Variants in SLC8A1 observed in about 807,000 individuals in gnomAD.
SLC8A1 encodes the protein solute carrier family 8 member A1, also known as sodium/calcium exchanger 1.
SLC8A1 carries 18 observed loss-of-function variants against 68.3 expected under a neutral mutation model. The observed-to-expected ratio is 0.26, with a 90% CI of 0.18 to 0.39. The LOEUF (loss-of-function observed/expected upper bound fraction) is 0.39, where lower values mean the gene tolerates loss of function less well. Ranked by LOEUF, SLC8A1 falls within the 10% of genes least tolerant of loss-of-function variation. The pLI is 1.00. For missense variants in SLC8A1, 985 were observed against 1,156.7 expected (o/e 0.85, Z 2.15); for synonymous variants, 475 against 415.5 (o/e 1.14, Z -1.74).
At chr2:40,170,197 G>A in intron 4 of SLC8A1, 84 bp downstream of exon 7, 3 of 1,188,138 alleles carry the variant, frequency 2.5e-6, no homozygotes, top group Non-Finnish European at 3.7e-6. Context: ...AGAGGAGAGG[G>A]GCTAAAATGC....
intron 1 of SLC8A1, among the ~76,000 whole-genome samples, chr2:40,469,286 T>C (rs1039954618): frequency 4.6e-5 from 7 of 152,128 alleles, no homozygotes; most frequent in Non-Finnish European, 7.4e-5. Context: ...GTGATTGGAT[T>C]ATGGGGTGAA....
chr2:40,290,822 A>T (rs1030957971), intron 2 of SLC8A1, among the ~76,000 whole-genome samples: 2 of 152,166 alleles, frequency 1.3e-5, no homozygotes, highest in Non-Finnish European at 2.9e-5. Flanking sequence ...TGGATATTTC[A>T]GTCTATATAG....
At chr2:40,146,764 C>A (rs2042548394) in intron 6 of SLC8A1, among the ~76,000 whole-genome samples, 1 of 152,068 alleles carries the variant, frequency 6.6e-6, no homozygotes, top group Non-Finnish European at 1.5e-5. Context: ...GTAACTTGGA[C>A]TACTGGACTG....
At chr2:40,376,229 C>G (rs1679819468) in intron 2 of SLC8A1, among the ~76,000 whole-genome samples, 1 of 152,084 alleles carries the variant, frequency 6.6e-6, no homozygotes, top group South Asian at 2.1e-4. Flanking sequence ...CCTTAAGCAT[C>G]TAACAATGTA....
At chr2:40,472,726 T>A (rs561408724) in intron 1 of SLC8A1, among the ~76,000 whole-genome samples, 1 of 152,246 alleles carries the variant, frequency 6.6e-6, no homozygotes, top group South Asian at 2.1e-4. Context: ...GCCAATATAT[T>A]AATAAACATA....
At chr2:40,118,176 A>G (rs1415812627) in intron 7 of SLC8A1, 2 of 152,316 alleles carry the variant, frequency 1.3e-5, no homozygotes, top group East Asian at 3.9e-4. Flanking sequence ...AGAAACTGTG[A>G]CGTTGTGATA....
chr2:40,400,758 A>G (rs911624510), intron 2 of SLC8A1, among the ~76,000 whole-genome samples: 1 of 152,188 alleles, frequency 6.6e-6, no homozygotes, highest in Non-Finnish European at 1.5e-5. Flanking sequence ...GGCTCTTCTC[A>G]GAAAACTAGA....
At chr2:40,421,662 A>G (rs1281327995) in intron 2 of SLC8A1, among the ~76,000 whole-genome samples, 1 of 152,134 alleles carries the variant, frequency 6.6e-6, no homozygotes, top group Non-Finnish European at 1.5e-5. Context: ...CATATCTTCA[A>G]CTGTCACCAA....
intron 2 of SLC8A1, among the ~76,000 whole-genome samples, chr2:40,329,135 C>T (rs925301984): frequency 6.6e-6 from 1 of 151,710 alleles, no homozygotes; most frequent in Non-Finnish European, 1.5e-5. Context: ...TGAAAACAGA[C>T]AAACTTTCAC....
At chr2:40,229,706 A>C (rs1404523776) in intron 2 of SLC8A1, among the ~76,000 whole-genome samples, 1 of 152,154 alleles carries the variant, frequency 6.6e-6, no homozygotes, top group Non-Finnish European at 1.5e-5. Context: ...CCTAACAACT[A>C]TACTTTTCTA....
At chr2:40,293,559 TGCTCTCTTCCC>T (rs906928139) in intron 2 of SLC8A1, among the ~76,000 whole-genome samples, 1 of 152,184 alleles carries the variant, frequency 6.6e-6, no homozygotes, top group African/African-American at 2.4e-5. Context: ...ATTTAAACAT[TGCTCTCTTCCC>T]TTAATATGAG....
At chr2:40,454,203 T>C (rs1436773881), upstream of SLC8A1, among the ~76,000 whole-genome samples, 2 of 152,056 alleles carry the variant, frequency 1.3e-5, no homozygotes, top group Non-Finnish European at 2.9e-5. Context: ...GCCTTCTAAA[T>C]AACACTAAGG....
At chr2:40,167,835 T>C (rs1386204221) in intron 4 of SLC8A1, among the ~76,000 whole-genome samples, 11 of 152,226 alleles carry the variant, frequency 7.2e-5, no homozygotes, top group Admixed American at 7.2e-4. Context: ...GACATTTTCA[T>C]AGACTGTTTT....
In SLC8A1 at chr2:40,134,487, T is replaced by G. The variant is rs561233442; in HGVS notation, c.2437+4914A>C. ...TGAAGAAAATACCAAAAAAATACCT[T>G]GCTCCTCATCACAGTTCCCACCATA... On this transcript the variant is annotated intron_variant, in intron 7 of 7. Coordinates refer to ENST00000406785, the Ensembl canonical transcript of SLC8A1. Among the ~76,000 whole-genome samples, 12 of 152,296 alleles carry G rather than the reference T, an allele frequency of 7.9e-5. No individual in the cohort carries two copies. The South Asian group carries it at 2.5e-3, about 32-fold the overall frequency.
At chr2:40,219,594 TACAA>T (rs1043983578) in intron 2 of SLC8A1, among the ~76,000 whole-genome samples, 2 of 152,190 alleles carry the variant, frequency 1.3e-5, no homozygotes, top group East Asian at 1.9e-4. Context: ...TAAGAAAACT[TACAA>T]ACATTTTTTA....
At chr2:40,424,830 TA>T (rs1001735920) in intron 2 of SLC8A1, among the ~76,000 whole-genome samples, 9 of 151,900 alleles carry the variant, frequency 5.9e-5, no homozygotes, top group Non-Finnish European at 1.3e-4. Context: ...TATAACTAAT[TA>T]AATTTGATTT....
intron 2 of SLC8A1, among the ~76,000 whole-genome samples, chr2:40,404,717 T>A (rs1353238651): frequency 6.6e-6 from 1 of 152,158 alleles, no homozygotes; most frequent in Non-Finnish European, 1.5e-5. Flanking sequence ...AGTTTCAAGT[T>A]GGCACGAGTG....
chr2:40,391,762 G>A (rs999849876), intron 2 of SLC8A1, among the ~76,000 whole-genome samples: 1 of 151,954 alleles, frequency 6.6e-6, no homozygotes, highest in African/African-American at 2.4e-5. Flanking sequence ...ATACCTTCAC[G>A]TGTCAGATGA....
chr2:40,392,148 T>C (rs1323653955), intron 2 of SLC8A1, among the ~76,000 whole-genome samples: 3 of 57,096 alleles, frequency 5.3e-5, no homozygotes, highest in Non-Finnish European at 1.2e-4. Context: ...GAATGAAAAA[T>C]AAAAGAAAGA....
Sources: allele counts gnomAD v4.1 joint callset (sites outside exome capture counted in the v4.1 genomes callset), GRCh38; gene constraint gnomAD v4.1.1; transcripts MANE v1.5; gene names NCBI Gene and HGNC (gene_info 2026-07-23, HGNC 2026-07-21).